Variants in ACO2 observed in about 807,000 individuals in gnomAD.
The protein encoded by ACO2 is aconitase 2, also known as aconitate hydratase, mitochondrial.
Under a neutral mutation model 84.5 loss-of-function variants are expected in ACO2, and 31 were observed. The ratio of observed to expected loss-of-function variants is 0.37; its 90% CI spans 0.28 to 0.50. ACO2 has a LOEUF of 0.50. Among genes scored for constraint, ACO2 ranks in the 20% least tolerant of loss-of-function variants. The pLI is 0.97. For synonymous variants in ACO2, 414 were observed against 412.7 expected (o/e 1.00, Z -0.04); for missense variants, 685 against 1,029.3 (o/e 0.67, Z 4.58).
chr22:41,484,091 G>A (rs1404355755), intron 1 of ACO2, among the ~76,000 whole-genome samples: 4 of 151,526 alleles, frequency 2.6e-5, no homozygotes, highest in African/African-American at 4.8e-5. Context: ...AGGGAAATGG[G>A]GGGTTGGGAC....
chr22:41,503,988 C>T lies in ACO2; in HGVS notation c.174-3803C>T, dbSNP rs531228726. Among the ~76,000 whole-genome samples, 109 of 152,050 alleles carry T rather than the reference C, an allele frequency of 7.2e-4. 1 individual carries two copies. Among genetic ancestry groups the T allele is most frequent in the African/African-American group, 2.5e-3 (103 of 41,458 alleles). On this transcript the variant is annotated intron_variant, in intron 2 of 17. Transcript: ENST00000216254. ...CGGCACTTTGGGAGGCCGAGGCAGG[C>T]GGATCACTTAAGGCCAGGAGTTTGA...
chr22:41,525,602 G>A (rs1483565342), intron 14 of ACO2, among the ~76,000 whole-genome samples: 2 of 152,206 alleles, frequency 1.3e-5, no homozygotes, highest in Non-Finnish European at 2.9e-5. Context: ...AGCAGCAGCT[G>A]ATCAGAGCCA....
chr22:41,503,488 G>A (rs948946878), intron 2 of ACO2, among the ~76,000 whole-genome samples: 4 of 151,838 alleles, frequency 2.6e-5, no homozygotes, highest in Non-Finnish European at 4.4e-5. Flanking sequence ...CTGCCACCAC[G>A]CCCAGCTAAT....
intron 9 of ACO2, among the ~76,000 whole-genome samples, chr22:41,522,583 T>C (rs2066535624): frequency 6.6e-6 from 1 of 152,180 alleles, no homozygotes; most frequent in Admixed American, 6.5e-5. Flanking sequence ...GGGGTCATAG[T>C]CCTAATGTGT....
Position 41,469,162 on chromosome 22 carries a change from C to T in ACO2, c.16C>T (p.Leu6=), listed in dbSNP as rs769265073. 2.5e-5 allele frequency: 40 copies of T among 1,609,506 alleles called. No homozygotes were observed. The highest frequency in any genetic ancestry group is 3.3e-4 in the Middle Eastern group (2 of 6,002). Residue 6 remains leucine (L), a synonymous_variant, in exon 1 of 18, where the codon CTA becomes TTA. Coordinates refer to ENST00000216254, the MANE Select transcript of ACO2 (RefSeq NM_001098.3). The part of the protein sequence containing the change: MAPYS[L]LVTRLQKALG... Reference sequence around the variant, plus strand: ...AGTGCACAAAATGGCGCCCTACAGCCTACTGGTGACTCGGCTGCAGGTGAG... The same window carrying T: ...AGTGCACAAAATGGCGCCCTACAGCTTACTGGTGACTCGGCTGCAGGTGAG...
chr22:41,479,845 C>A (rs887466835), intron 1 of ACO2, among the ~76,000 whole-genome samples: 1 of 152,170 alleles, frequency 6.6e-6, no homozygotes, highest in Non-Finnish European at 1.5e-5. Context: ...TCATAGTGTA[C>A]GACTGATGTA....
At chr22:41,492,064 T>C (rs1456103325) in intron 1 of ACO2, among the ~76,000 whole-genome samples, 2 of 152,222 alleles carry the variant, frequency 1.3e-5, no homozygotes, top group East Asian at 3.8e-4. Context: ...AATTCTGACT[T>C]ACCTCCCTGA....
At position 41,506,878 on chromosome 22, in the gene ACO2, A is replaced by G. The variant is rs368591629; in HGVS notation, c.174-913A>G. Among the ~76,000 whole-genome samples, 8 of 151,934 alleles carry G rather than the reference A, an allele frequency of 5.3e-5. 1 individual carries two copies. In the East Asian group the frequency reaches 1.2e-3, roughly 22 times the overall value. ...TCTGAAAGGGGCTGTTGTGGCAGGC[A>G]GGGCGGCCACAACAGCCCCTTTGCT... On this transcript the variant is annotated intron_variant, in intron 2 of 17. Transcript: ENST00000216254.
chr22:41,511,922 A>G lies in ACO2; in HGVS notation c.479A>G (p.Lys160Arg), dbSNP rs762995363. The G allele has an allele frequency of 3.7e-6, 6 of 1,611,732 alleles. No homozygotes were observed. Among genetic ancestry groups the G allele is most frequent in the South Asian group, 3.3e-5 (3 of 90,534 alleles). Reference sequence around the variant, plus strand: ...AATTTCCTGGCAACTGCAGGTGCCAAATATGGCGTGGGCTTCTGGAAGCCT... The same window carrying G: ...AATTTCCTGGCAACTGCAGGTGCCAGATATGGCGTGGGCTTCTGGAAGCCT... ...VYNFLATAGAKYGVGFWKPGS... is the reference protein window; with the variant it reads ...VYNFLATAGARYGVGFWKPGS... Residue 160 changes from lysine (K) to arginine (R), a missense_variant, in exon 4 of 18, where the codon AAA becomes AGA. Physicochemically the swap from Lys to Arg is conservative, Grantham distance 26. Around this residue, in one of 5 missense-constraint regions of ACO2, gnomAD observed 92 missense variants for 203.7 expected, o/e 0.45. Transcript: ENST00000216254.
chr22:41,485,722 T>C (rs1315253067), intron 1 of ACO2, among the ~76,000 whole-genome samples: 2 of 150,844 alleles, frequency 1.3e-5, no homozygotes, highest in East Asian at 2.0e-4. Flanking sequence ...GGATTACAGG[T>C]GTGAGCCACG....
At chr22:41,491,243 G>A (rs1411463732) in intron 1 of ACO2, among the ~76,000 whole-genome samples, 1 of 152,080 alleles carries the variant, frequency 6.6e-6, no homozygotes, top group African/African-American at 2.4e-5. Context: ...CATGTTCAGT[G>A]CCCTTGAGGA....
intron 1 of ACO2, among the ~76,000 whole-genome samples, chr22:41,483,675 A>G (rs991277295): frequency 6.6e-6 from 1 of 151,860 alleles, no homozygotes; most frequent in Non-Finnish European, 1.5e-5. Context: ...AAAAAAAGAA[A>G]ATTAAAAATA....
intron 4 of ACO2, among the ~76,000 whole-genome samples, chr22:41,513,285 GGCAGCTCACATCT>G (rs1390489828): frequency 1.3e-5 from 2 of 152,208 alleles, no homozygotes; most frequent in Admixed American, 1.3e-4. Context: ...CGTGAGTGAT[GGCAGCTCACATCT>G]GCCACCGGCT....
Position 41,499,859 on chromosome 22 carries a change from A to G in ACO2, c.170A>G (p.Lys57Arg), listed in dbSNP as rs1253593863. 1.9e-6 allele frequency: 3 copies of G among 1,613,954 alleles called. No individual in the cohort carries two copies. Among genetic ancestry groups the G allele is most frequent in the Non-Finnish European group, 2.5e-6 (3 of 1,179,916 alleles). ...LLEKNINIVR[K>R]RLNRPLTLSE... ...GAGAAGAACATTAACATTGTTCGCAAACGGTAAGGCTGCAGATGGGAGGCT... is the reference window on the plus strand; with the variant it reads ...GAGAAGAACATTAACATTGTTCGCAGACGGTAAGGCTGCAGATGGGAGGCT... Residue 57 changes from lysine to arginine, a missense_variant, in exon 2 of 18, where the codon AAA (lysine) becomes AGA (arginine). Physicochemically the swap from Lys to Arg is conservative, Grantham distance 26. Around this residue, in one of 5 missense-constraint regions of ACO2, gnomAD observed 98 missense variants for 107.6 expected, o/e 0.91. Transcript: ENST00000216254.
chr22:41,477,980 G>A (rs2038040324), intron 1 of ACO2, among the ~76,000 whole-genome samples: 2 of 151,784 alleles, frequency 1.3e-5, no homozygotes, highest in South Asian at 2.1e-4. Context: ...CAGAAGAATC[G>A]CTTGAACTCA....
At position 41,528,684 on chromosome 22, in the gene ACO2, G is replaced by A. The variant is rs138060670; in HGVS notation, c.*71G>A. On this transcript the variant is annotated 3_prime_UTR_variant, in exon 18 of 18. Coordinates refer to ENST00000216254, the MANE Select transcript of ACO2 (RefSeq NM_001098.3). Reference sequence around the variant, plus strand: ...CGTGTGCCATCAGTGGATCCGATCCGTCCAGCCATGGCTTCCTATTCCAAG... The same window carrying A: ...CGTGTGCCATCAGTGGATCCGATCCATCCAGCCATGGCTTCCTATTCCAAG... The A allele has an allele frequency of 8.3e-6, 13 of 1,562,790 alleles. No individual in the cohort carries two copies. Among genetic ancestry groups the A allele is most frequent in the South Asian group, 7.1e-5 (6 of 84,890 alleles).
chr22:41,519,400 T>C (rs140378742), intron 8 of ACO2, among the ~76,000 whole-genome samples: 3 of 152,220 alleles, frequency 2.0e-5, no homozygotes, highest in South Asian at 2.1e-4. Flanking sequence ...AATGAATTCA[T>C]GTAACTAACA....
intron 1 of ACO2, among the ~76,000 whole-genome samples, chr22:41,475,116 G>A (rs1169306179): frequency 6.6e-6 from 1 of 150,598 alleles, no homozygotes; most frequent in African/African-American, 2.4e-5. Flanking sequence ...TGTCCAAGAG[G>A]GCCATCTTGT....
chr22:41,518,506 C>T lies in ACO2; in HGVS notation c.966C>T (p.Phe322=), dbSNP rs1285435579. The T allele has an allele frequency of 1.2e-6, 2 of 1,613,690 alleles. No homozygotes were observed. Among genetic ancestry groups the T allele is most frequent in the Admixed American group, 3.3e-5 (2 of 59,996 alleles). Reference sequence around the variant, plus strand: ...ACATTGCCAATCTAGCTGATGAATTCAAGGATCACTTGGTGCCTGACCCTG... The same window carrying T: ...ACATTGCCAATCTAGCTGATGAATTTAAGGATCACTTGGTGCCTGACCCTG... ...REDIANLADE[F]KDHLVPDPGC... Residue 322 remains phenylalanine, a synonymous_variant, in exon 8 of 18, where the codon TTC becomes TTT. Transcript: ENST00000216254.
Sources: gnomAD v4.1 joint callset for allele counts (sites outside exome capture counted in the v4.1 genomes callset) on GRCh38, gnomAD v4.1.1 for gene constraint, gnomAD v4.1.1 regional missense constraint, MANE v1.5 for transcripts, NCBI Gene and HGNC (gene_info 2026-07-23, HGNC 2026-07-21) for gene names.